Variants in XG observed in about 807,000 individuals in gnomAD.
The protein encoded by XG is glycoprotein Xg.
A neutral mutation model predicts 25.7 loss-of-function variants in XG; 24 were observed. The ratio of observed to expected loss-of-function variants is 0.93; its 90% CI spans 0.68 to 1.31. The LOEUF is 1.31. Among genes scored for constraint, XG ranks in the 40% most tolerant of loss-of-function variants. The probability of loss-of-function intolerance (pLI) is 0.00; values close to 1 mark genes in which losing one functional copy is unlikely to be tolerated. For synonymous variants in XG, 77 were observed against 69.2 expected, an observed-to-expected ratio of 1.11 and a Z score of -0.56; for missense variants, 181 against 187.6, an observed-to-expected ratio of 0.96 and a Z score of 0.21.
intron 1 of XG, among the ~76,000 whole-genome samples, chrX:2,764,960 G>A (rs1054111423): frequency 5.1e-4 from 70 of 137,196 alleles, no homozygotes; most frequent in African/African-American, 1.8e-3. Flanking sequence ...AGAAGCGCTC[G>A]AACCAGGGAG....
chrX:2,759,043 TCCA>T (rs1184310330), intron 1 of XG, among the ~76,000 whole-genome samples: 102 of 152,284 alleles, frequency 6.7e-4, no homozygotes, highest in African/African-American at 1.9e-3. Context: ...TATCTATCTA[TCCA>T]TCCGTCTATC....
In XG at chrX:2,815,888, C is replaced by G. The variant is rs1360132273; in HGVS notation, c.*1508C>G. Reference sequence around the variant, plus strand: ...TTCCATTTTCTAAAACTGTCATAAACTATTTTTAATCATTTTAAATAAATG... The same window carrying G: ...TTCCATTTTCTAAAACTGTCATAAAGTATTTTTAATCATTTTAAATAAATG... On this transcript the variant is annotated 3_prime_UTR_variant, in exon 11 of 11. Coordinates refer to ENST00000644266, the MANE Select transcript of XG (RefSeq NM_001141919.2). 1.8e-5 allele frequency: 2 copies of G among 111,075 alleles called. No homozygotes were observed. Among genetic ancestry groups the G allele is most frequent in the African/African-American group, 6.5e-5 (2 of 30,600 alleles). 9.2% of individuals were successfully genotyped at this position (111,075 alleles called of 1,213,427 possible).
At chrX:2,813,597 C>T (rs2087077519) in intron 10 of XG, among the ~76,000 whole-genome samples, 3 of 112,316 alleles carry the variant, frequency 2.7e-5, no homozygotes, top group Admixed American at 9.4e-5. Context: ...AACTGTGTAC[C>T]TGCTGAGGCC....
At chrX:2,779,500 A>G (rs2051073505) in intron 3 of XG, among the ~76,000 whole-genome samples, 1 of 152,140 alleles carries the variant, frequency 6.6e-6, no homozygotes, top group African/African-American at 2.4e-5. Context: ...AAAGTTTAAT[A>G]TGCAAAATGC....
intron 5 of XG, 49 bp from the exon 6 acceptor site, chrX:2,794,486 G>T (rs1426116810): frequency 1.7e-6 from 2 of 1,180,660 alleles, no homozygotes; most frequent in African/African-American, 1.8e-5. Flanking sequence ...GGTGTGAAGG[G>T]GACCTTTGGA....
intron 3 of XG, among the ~76,000 whole-genome samples, chrX:2,781,439 C>T (rs2857315): frequency 1.4e-5 from 2 of 145,366 alleles, no homozygotes; most frequent in East Asian, 4.1e-4. Flanking sequence ...TGAGGAAGAT[C>T]CTCAGGACTC....
chrX:2,798,526 A>G (rs2086906886), intron 7 of XG, among the ~76,000 whole-genome samples: 2 of 110,477 alleles, frequency 1.8e-5, no homozygotes, highest in Non-Finnish European at 3.8e-5. Context: ...ATGTGCCACT[A>G]CACAGGGCTA....
chrX:2,806,516 G>T (rs755095083), intron 7 of XG, among the ~76,000 whole-genome samples, 185 bp from the exon 8 acceptor site: 1 of 110,589 alleles, frequency 9.0e-6, no homozygotes, highest in Non-Finnish European at 1.9e-5. Flanking sequence ...TTCAGCCACC[G>T]GTGTAAACAG....
At chrX:2,774,027 C>A (rs891498779) in intron 2 of XG, among the ~76,000 whole-genome samples, 5 of 152,146 alleles carry the variant, frequency 3.3e-5, no homozygotes, top group Admixed American at 3.3e-4. Context: ...AACCCGTGTT[C>A]CAGCCGCCTC....
intron 1 of XG, among the ~76,000 whole-genome samples, chrX:2,758,874 C>G (rs311115): frequency 0.89 from 136,020 of 152,228 alleles, 61,052 homozygotes; most frequent in Admixed American, 0.92. Context: ...ATTATCCATC[C>G]ACCTATCTGT....
At chrX:2,762,783 G>A (rs1468434456) in intron 1 of XG, among the ~76,000 whole-genome samples, 1 of 152,058 alleles carries the variant, frequency 6.6e-6, no homozygotes, top group Non-Finnish European at 1.5e-5. Flanking sequence ...GAATCATGCC[G>A]TCCTGGGAGA....
intron 1 of XG, among the ~76,000 whole-genome samples, chrX:2,766,165 G>A (rs1218202308): frequency 1.3e-5 from 2 of 151,634 alleles, no homozygotes; most frequent in South Asian, 2.1e-4. Flanking sequence ...TTTTTGAGAC[G>A]GAGTCTCACT....
intron 1 of XG, among the ~76,000 whole-genome samples, chrX:2,770,024 T>A (rs757168420): frequency 3.6e-5 from 1 of 28,160 alleles, no homozygotes; most frequent in East Asian, 1.1e-3. Context: ...TGTGGAGGGG[T>A]GGGGGGGGCG....
intron 1 of XG, among the ~76,000 whole-genome samples, chrX:2,760,037 G>T (rs2050529294): frequency 6.6e-6 from 1 of 152,172 alleles, no homozygotes; most frequent in Admixed American, 6.5e-5. Flanking sequence ...TGTAATCCCA[G>T]CTACTCGGGA....
intron 7 of XG, among the ~76,000 whole-genome samples, chrX:2,803,604 G>A (rs187109488): frequency 9.1e-6 from 1 of 109,527 alleles, no homozygotes; most frequent in Non-Finnish European, 1.9e-5. Flanking sequence ...ACCATAGGGG[G>A]GTGAAGTGAG....
chrX:2,805,381 G>A (rs1319693708), intron 7 of XG, among the ~76,000 whole-genome samples: 1 of 112,470 alleles, frequency 8.9e-6, no homozygotes, highest in Non-Finnish European at 1.9e-5. Flanking sequence ...GAGGCTGGAA[G>A]TCTGAGATCA....
chrX:2,764,755 A>G (rs956533495), intron 1 of XG, among the ~76,000 whole-genome samples: 3 of 152,070 alleles, frequency 2.0e-5, no homozygotes, highest in Non-Finnish European at 4.4e-5. Context: ...AGAAATAAAA[A>G]ATAGGCCGGG....
At chrX:2,772,909 C>G (rs1212032156) in intron 2 of XG, among the ~76,000 whole-genome samples, 3 of 152,114 alleles carry the variant, frequency 2.0e-5, no homozygotes, top group Non-Finnish European at 2.9e-5. Context: ...GAAGGAAGCC[C>G]CAGTGCAGAG....
At chrX:2,756,731 GGTGT>G (rs2050443833) in intron 1 of XG, among the ~76,000 whole-genome samples, 1 of 152,106 alleles carries the variant, frequency 6.6e-6, no homozygotes, top group South Asian at 2.1e-4. Context: ...GTGCAACAGG[GGTGT>G]GTTTGATCTG....
Sources: gnomAD v4.1 joint callset for allele counts (sites outside exome capture counted in the v4.1 genomes callset) on GRCh38, gnomAD v4.1.1 for gene constraint, MANE v1.5 for transcripts, NCBI Gene and HGNC (gene_info 2026-07-23, HGNC 2026-07-21) for gene names.